Variants in MPDZ observed in about 807,000 individuals in gnomAD.
MPDZ encodes the protein multiple PDZ domain protein.
Under a neutral mutation model 239.1 loss-of-function variants are expected in MPDZ, and 234 were observed. The ratio of observed to expected loss-of-function variants is 0.98; its 90% confidence interval spans 0.88 to 1.09. The LOEUF is 1.09. Ranked by LOEUF, MPDZ falls within the 50% of genes least tolerant of loss-of-function variation. The pLI, the probability that MPDZ is intolerant of heterozygous loss-of-function variation, is 0.00. For synonymous variants in MPDZ, 1,048 were observed against 881.3 expected (o/e 1.19, Z -3.35); for missense variants, 3,175 against 2,510.0 (o/e 1.26, Z -5.66).
chr9:13,160,182 C>G (rs990270269), intron 23 of MPDZ, among the ~76,000 whole-genome samples: 4 of 152,160 alleles, frequency 2.6e-5, no homozygotes, highest in Non-Finnish European at 5.9e-5. Context: ...GCTTCGTAGA[C>G]TTGTGCAATT....
rs62532868 is a variant in MPDZ, at chr9:13,206,106, T to C, written c.1291-7A>G. On this transcript the variant is annotated splice_region_variant and splice_polypyrimidine_tract_variant and intron_variant, in intron 10 of 46. Coordinates refer to ENST00000319217, the MANE Select transcript of MPDZ (RefSeq NM_001378778.1). ...GAAGGTTTGTGCCATCTACCTGTGATTAAAAAAAAAAAAAAGCATGTTACA... is the reference window on the plus strand; with the variant it reads ...GAAGGTTTGTGCCATCTACCTGTGACTAAAAAAAAAAAAAAGCATGTTACA... The C allele has an allele frequency of 9.1e-6, 14 of 1,541,164 alleles. No individual in the cohort carries two copies. Among genetic ancestry groups the C allele is most frequent in the East Asian group, 2.3e-5 (1 of 43,008 alleles).
intron 3 of MPDZ, among the ~76,000 whole-genome samples, chr9:13,244,791 A>T (rs1966215826): frequency 6.6e-6 from 1 of 152,152 alleles, no homozygotes; most frequent in East Asian, 1.9e-4. Flanking sequence ...AGGGGAAAAA[A>T]TTGTAGGCTT....
In MPDZ at chr9:13,125,354, T is replaced by C; in HGVS notation, c.4669A>G (p.Lys1557Glu). Residue 1557 changes from lysine (K) to glutamate (E), a missense_variant, in exon 35 of 47, where the codon AAA becomes GAA. Lys to Glu is a moderately conservative substitution (Grantham distance 56). Coordinates refer to ENST00000319217, the MANE Select transcript of MPDZ (RefSeq NM_001378778.1). ...SLLKTAKMTV[K>E]LTIHAENPDS... The stretch of plus-strand genomic sequence containing the variant: ...GGATTCTCAGCATGGATGGTAAGTT[T>C]TACTGTCATCTTTGCTGTCTTCAGA... 6.2e-7 allele frequency: 1 copy of C among 1,613,812 alleles called. No homozygotes were observed. The highest frequency in any genetic ancestry group is 8.5e-7 in the Non-Finnish European group (1 of 1,179,740).
At chr9:13,213,279 CCT>C (rs1217162347) in intron 10 of MPDZ, among the ~76,000 whole-genome samples, 22 of 151,984 alleles carry the variant, frequency 1.4e-4, no homozygotes, top group Non-Finnish European at 3.1e-4. Context: ...ACAGTGAAAC[CCT>C]GTTGACCCAG....
At chr9:13,204,811 A>T (rs1033524338) in intron 12 of MPDZ, among the ~76,000 whole-genome samples, 1 of 152,230 alleles carries the variant, frequency 6.6e-6, no homozygotes, top group Non-Finnish European at 1.5e-5. Flanking sequence ...TCAGCAAGAA[A>T]GTGTAAGTGA....
intron 38 of MPDZ, chr9:13,120,055 G>T: frequency 5.6e-6 from 1 of 177,910 alleles, no homozygotes; most frequent in Non-Finnish European, 1.2e-5. Context: ...TTACATAAAT[G>T]TTGCTATCAC....
At chr9:13,177,894 C>T (rs1442933657) in intron 19 of MPDZ, among the ~76,000 whole-genome samples, 1 of 152,170 alleles carries the variant, frequency 6.6e-6, no homozygotes, top group African/African-American at 2.4e-5. Flanking sequence ...TTATATTCTA[C>T]ATCTTTGTCC....
Position 13,195,035 on chromosome 9 carries a change from C to T in MPDZ, c.1656+1086G>A, listed in dbSNP as rs375354248. ...AGGTGCAGTGGTGCATGCCTGTAAT[C>T]CCAGCAATTTGGGAGGCTGAGGCAG... On this transcript the variant is annotated intron_variant, in intron 13 of 46. Coordinates refer to ENST00000319217, the MANE Select transcript of MPDZ (RefSeq NM_001378778.1). Among the ~76,000 whole-genome samples the T allele has an allele frequency of 5.3e-4, 80 of 152,084 alleles. 1 individual carries two copies. Among genetic ancestry groups the T allele is most frequent in the African/African-American group, 1.8e-3 (76 of 41,506 alleles).
At chr9:13,174,773 C>T (rs1235380429) in intron 21 of MPDZ, among the ~76,000 whole-genome samples, 1 of 152,094 alleles carries the variant, frequency 6.6e-6, no homozygotes, top group African/African-American at 2.4e-5. Context: ...TTAAACATAA[C>T]GTACATAAGA....
At chr9:13,235,177 T>C (rs1963613770) in intron 3 of MPDZ, among the ~76,000 whole-genome samples, 1 of 152,094 alleles carries the variant, frequency 6.6e-6, no homozygotes, top group African/African-American at 2.4e-5. Flanking sequence ...GACCCTTATT[T>C]TTAAAGCTAA....
At chr9:13,249,893 T>C (rs936987564) in intron 2 of MPDZ, among the ~76,000 whole-genome samples, 6 of 152,204 alleles carry the variant, frequency 3.9e-5, no homozygotes, top group Admixed American at 2.0e-4. Context: ...TATCAATTAA[T>C]AGCAAGAGCT....
chr9:13,116,268 CTA>C (rs1325796292), intron 39 of MPDZ, among the ~76,000 whole-genome samples: 1 of 152,098 alleles, frequency 6.6e-6, no homozygotes, highest in Non-Finnish European at 1.5e-5. Context: ...TAAATCCAGA[CTA>C]TGTGATTTAT....
At chr9:13,142,035 A>T (rs1198219200) in intron 27 of MPDZ, among the ~76,000 whole-genome samples, 1 of 152,144 alleles carries the variant, frequency 6.6e-6, no homozygotes, top group Non-Finnish European at 1.5e-5. Flanking sequence ...AAAGAGGAGC[A>T]AGGTATGTAC....
In MPDZ at chr9:13,222,397, C is replaced by T. The variant is rs1276657480; in HGVS notation, c.583G>A (p.Ala195Thr). Residue 195 changes from alanine to threonine, a missense_variant, in exon 6 of 47, where the codon GCT becomes ACT. Transcript: ENST00000319217. Reference sequence around the variant, plus strand: ...TGATGTGTAATTGTCTGATCAAGAGCCTGTCCATTGATAGCAAGAATTTGA... The same window carrying T: ...TGATGTGTAATTGTCTGATCAAGAGTCTGTCCATTGATAGCAAGAATTTGA... ...TDQILAINGQ[A>T]LDQTITHQQA... 1 of 1,612,692 alleles carries T rather than the reference C, an allele frequency of 6.2e-7. No individual in the cohort carries two copies. Among genetic ancestry groups the T allele is most frequent in the South Asian group, 1.1e-5 (1 of 91,020 alleles).
In MPDZ at chr9:13,196,420, C is replaced by T. The variant is rs370390624; in HGVS notation, c.1547-190G>A. Among the ~76,000 whole-genome samples the T allele has an allele frequency of 5.3e-5, 8 of 152,262 alleles. No homozygotes were observed. In the East Asian group the frequency reaches 1.5e-3, roughly 29 times the overall value. Reference sequence around the variant, plus strand: ...AGAACCCTATAATTTGTATGTTTGACACTACTCACTTTTAACAGATGTATT... The same window carrying T: ...AGAACCCTATAATTTGTATGTTTGATACTACTCACTTTTAACAGATGTATT... On this transcript the variant is annotated intron_variant, in intron 12 of 46. Transcript: ENST00000319217.
chr9:13,140,744 G>T (rs553712078), intron 27 of MPDZ: 3 of 151,946 alleles, frequency 2.0e-5, no homozygotes, highest in African/African-American at 7.2e-5. Context: ...GAGGCATCTA[G>T]AAAAATCTGC....
intron 1 of MPDZ, among the ~76,000 whole-genome samples, chr9:13,272,700 T>TAAAAAAAAAAAAAAAAAA (rs539786957): frequency 2.5e-5 from 2 of 78,576 alleles, no homozygotes; most frequent in Non-Finnish European, 5.0e-5. Flanking sequence ...CTGTTCCTAC[T>TAAAAAAAAAAAAAAAAAA]AAAAAAAAAA....
Position 13,136,202 on chromosome 9 carries a change from A to C in MPDZ, c.4293-20T>G. The C allele has an allele frequency of 1.4e-6, 2 of 1,473,838 alleles. No homozygotes were observed. The highest frequency in any genetic ancestry group is 9.5e-7 in the Non-Finnish European group (1 of 1,056,898). 91.3% of individuals were successfully genotyped at this position (1,473,838 alleles called of 1,614,324 possible). On this transcript the variant is annotated intron_variant, in intron 30 of 46. Coordinates refer to ENST00000319217, the MANE Select transcript of MPDZ (RefSeq NM_001378778.1). ...TTATTTCTAAAAGCAAAAAAACAAC[A>C]ACCTATTATAACATCATGGTATTAT...
chr9:13,107,114 G>A lies in MPDZ; in HGVS notation c.6067-3C>T. On this transcript the variant is annotated splice_region_variant and splice_polypyrimidine_tract_variant and intron_variant, in intron 46 of 46. Coordinates refer to ENST00000319217, the MANE Select transcript of MPDZ (RefSeq NM_001378778.1). ...CGTCCGTCTTCAGAGGCTGCTCCCTGCAAATTATAAAGTAGACTTGTTTAT... is the reference window on the plus strand; with the variant it reads ...CGTCCGTCTTCAGAGGCTGCTCCCTACAAATTATAAAGTAGACTTGTTTAT... 1 of 1,558,998 alleles carries A rather than the reference G, an allele frequency of 6.4e-7. No homozygotes were observed. Among genetic ancestry groups the A allele is most frequent in the Non-Finnish European group, 8.8e-7 (1 of 1,141,432 alleles).
Sources: gnomAD v4.1 joint callset for allele counts (sites outside exome capture counted in the v4.1 genomes callset) on GRCh38, gnomAD v4.1.1 for gene constraint, MANE v1.5 for transcripts, NCBI Gene and HGNC (gene_info 2026-07-23, HGNC 2026-07-21) for gene names.